TGFB2: variants seen among roughly 807,000 people sequenced by gnomAD.
TGFB2 encodes the protein transforming growth factor beta 2, also known as transforming growth factor beta-2 proprotein.
TGFB2 carries 13 observed loss-of-function variants against 42.7 expected under a neutral mutation model. The ratio of observed to expected loss-of-function variants is 0.30; its 90% CI spans 0.20 to 0.48. The LOEUF (loss-of-function observed/expected upper bound fraction) is 0.48. TGFB2 is among the 20% of genes least tolerant of loss of function. The pLI is 0.99. For synonymous variants in TGFB2, 193 were observed against 193.6 expected (o/e 1.00, Z 0.03); for missense variants, 390 against 517.5 (o/e 0.75, Z 2.39).
rs139691839 is a variant in TGFB2 at position 218,396,096 on chromosome 1, A to G, written c.347-9073A>G. ...TTTTTCATTCCTCTCTAGCTAGTTCATGACGCTGAGTAACCAGAAGGGAAG... is the reference window on the plus strand; with the variant it reads ...TTTTTCATTCCTCTCTAGCTAGTTCGTGACGCTGAGTAACCAGAAGGGAAG... On this transcript the variant is annotated intron_variant, in intron 1 of 6. Transcript: ENST00000366930. Among the ~76,000 whole-genome samples, 9 of 152,322 alleles carry G rather than the reference A, an allele frequency of 5.9e-5. 1 individual carries two copies. The highest frequency in any genetic ancestry group is 6.8e-3 in the Middle Eastern group (2 of 294).
intron 2 of TGFB2, among the ~76,000 whole-genome samples, chr1:218,412,099 A>G (rs1659120614): frequency 6.6e-6 from 1 of 152,220 alleles, no homozygotes; most frequent in Non-Finnish European, 1.5e-5. Flanking sequence ...TCCTGGCATC[A>G]GCATCATACC....
At chr1:218,389,811 C>T (rs963460345) in intron 1 of TGFB2, among the ~76,000 whole-genome samples, 2 of 152,166 alleles carry the variant, frequency 1.3e-5, no homozygotes, top group African/African-American at 2.4e-5. Flanking sequence ...ATTTTTCAGA[C>T]ATGTCTAACC....
At chr1:218,379,911 C>T (rs1303896756) in intron 1 of TGFB2, among the ~76,000 whole-genome samples, 1 of 152,176 alleles carries the variant, frequency 6.6e-6, no homozygotes, top group Non-Finnish European at 1.5e-5. Flanking sequence ...TTCCTTTTAT[C>T]CACAGTTGGT....
chr1:218,363,892 A>G (rs1657299164), intron 1 of TGFB2, among the ~76,000 whole-genome samples: 1 of 152,246 alleles, frequency 6.6e-6, no homozygotes, highest in Non-Finnish European at 1.5e-5. Flanking sequence ...TTAAGGTTCT[A>G]GAGCAAGCTT....
chr1:218,416,707 C>T (rs1173231726), intron 2 of TGFB2, among the ~76,000 whole-genome samples: 1 of 152,154 alleles, frequency 6.6e-6, no homozygotes. Context: ...ACCCTGGCCC[C>T]TTGATATGGT....
chr1:218,417,784 G>T (rs1411769285), intron 2 of TGFB2, among the ~76,000 whole-genome samples: 2 of 152,242 alleles, frequency 1.3e-5, no homozygotes, highest in Non-Finnish European at 2.9e-5. Context: ...TCCAGCTGTG[G>T]CTGAAAAGGG....
intron 2 of TGFB2, among the ~76,000 whole-genome samples, chr1:218,413,290 T>C (rs940795654): frequency 6.6e-6 from 1 of 152,102 alleles, no homozygotes; most frequent in Middle Eastern, 3.2e-3. Flanking sequence ...GGAGAATCAC[T>C]TGAACCCGAG....
chr1:218,388,263 G>A lies in TGFB2; in HGVS notation c.347-16906G>A, dbSNP rs1227866053. On this transcript the variant is annotated intron_variant, in intron 1 of 6. Transcript: ENST00000366930. ...ACTCTGTCTGTGTTTAGGCTGCACC[G>A]ATTGCCTGTCCAAGGCAGTCTGACC... 3.3e-5 allele frequency among the ~76,000 whole-genome samples: 5 copies of A among 152,322 alleles called. No individual in the cohort carries two copies. In the South Asian group the frequency reaches 6.2e-4, roughly 19 times the overall value.
intron 2 of TGFB2, 38 bp from the exon 3 acceptor site, chr1:218,434,044 C>A: frequency 1.2e-6 from 2 of 1,608,470 alleles, no homozygotes; most frequent in Non-Finnish European, 8.5e-7. Flanking sequence ...TGTCAGAATG[C>A]CAACTCAGCC....
chr1:218,348,012 A>T (rs1049962803), intron 1 of TGFB2, among the ~76,000 whole-genome samples: 15 of 151,576 alleles, frequency 9.9e-5, no homozygotes, highest in Non-Finnish European at 2.1e-4. Context: ...AATAGGAGTG[A>T]AATGATTTAT....
chr1:218,438,125 C>T (rs1660030656), intron 6 of TGFB2, among the ~76,000 whole-genome samples: 1 of 152,206 alleles, frequency 6.6e-6, no homozygotes, highest in Non-Finnish European at 1.5e-5. Flanking sequence ...AACTTCTCTT[C>T]ACCCTTACCC....
intron 1 of TGFB2, among the ~76,000 whole-genome samples, chr1:218,383,070 A>G (rs1658017660): frequency 6.6e-6 from 1 of 152,234 alleles, no homozygotes; most frequent in Non-Finnish European, 1.5e-5. Context: ...ATTAAACACT[A>G]GGTGATAAGG....
intron 2 of TGFB2, among the ~76,000 whole-genome samples, chr1:218,425,544 C>G (rs1659595402): frequency 6.6e-6 from 1 of 152,026 alleles, no homozygotes; most frequent in Non-Finnish European, 1.5e-5. Flanking sequence ...ATAATAAGGG[C>G]CATGATGTTC....
chr1:218,440,231 G>A (rs1052376425), intron 6 of TGFB2, among the ~76,000 whole-genome samples: 3 of 152,098 alleles, frequency 2.0e-5, no homozygotes, highest in South Asian at 2.1e-4. Flanking sequence ...GATTATGATC[G>A]TTTTAAGCAA....
chr1:218,420,417 G>C lies in TGFB2; in HGVS notation c.511-13665G>C, dbSNP rs147017687. ...ATTTATACCTGATGGTCTCATGAAT[G>C]CTACTGAGCTGCAGCATCTGACAGA... On this transcript the variant is annotated intron_variant, in intron 2 of 6. Transcript: ENST00000366930. 3.5e-3 allele frequency among the ~76,000 whole-genome samples: 537 copies of C among 152,282 alleles called. 3 individuals are homozygous for C. Among genetic ancestry groups the C allele is most frequent in the Non-Finnish European group, 6.2e-3 (425 of 68,034 alleles).
intron 1 of TGFB2, among the ~76,000 whole-genome samples, chr1:218,355,181 C>T (rs1371881220): frequency 6.6e-6 from 1 of 152,086 alleles, no homozygotes; most frequent in East Asian, 1.9e-4. Flanking sequence ...ATTATAGGCC[C>T]GAGCCACCGT....
At chr1:218,430,678 G>T (rs1023969277) in intron 2 of TGFB2, among the ~76,000 whole-genome samples, 1 of 152,190 alleles carries the variant, frequency 6.6e-6, no homozygotes, top group Non-Finnish European at 1.5e-5. Flanking sequence ...GGATAGTGAG[G>T]TTGTGCCTAT....
At chr1:218,360,247 T>C (rs1452023984) in intron 1 of TGFB2, among the ~76,000 whole-genome samples, 4 of 152,234 alleles carry the variant, frequency 2.6e-5, no homozygotes, top group Non-Finnish European at 5.9e-5. Context: ...AAACACTGTG[T>C]ATTTTTGTTT....
chr1:218,364,754 A>C (rs574372088), intron 1 of TGFB2, among the ~76,000 whole-genome samples: 64 of 152,310 alleles, frequency 4.2e-4, no homozygotes, highest in African/African-American at 1.5e-3. Flanking sequence ...AAAAGAACTC[A>C]TTCTGTTGAG....
Sources: gnomAD v4.1 joint callset for allele counts (sites outside exome capture counted in the v4.1 genomes callset) on GRCh38, gnomAD v4.1.1 for gene constraint, MANE v1.5 for transcripts, NCBI Gene and HGNC (gene_info 2026-07-23, HGNC 2026-07-21) for gene names.